The following LURAP1L variants were observed in gnomAD, a reference collection of about 807,000 sequenced individuals.
LURAP1L encodes leucine rich adaptor protein 1-like.
LURAP1L carries 12 observed loss-of-function variants against 13.8 expected under a neutral mutation model. That is an observed-to-expected ratio of 0.87 (90% confidence interval 0.56 to 1.41). LURAP1L has a LOEUF of 1.41. LURAP1L is among the 40% of genes most tolerant of loss of function. The pLI is 0.00. For missense variants in LURAP1L, 375 were observed against 292.9 expected (o/e 1.28, Z -2.04); for synonymous variants, 139 against 119.2 (o/e 1.17, Z -1.08).
At chr9:12,783,870 T>C (rs2118469135) in intron 1 of LURAP1L, among the ~76,000 whole-genome samples, 1 of 151,830 alleles carries the variant, frequency 6.6e-6, no homozygotes, top group East Asian at 1.9e-4. Context: ...CATTCTTTTT[T>C]ATTCTTTTAT....
intron 1 of LURAP1L, among the ~76,000 whole-genome samples, chr9:12,801,789 A>G (rs1268337270): frequency 6.6e-6 from 1 of 152,222 alleles, no homozygotes; most frequent in Non-Finnish European, 1.5e-5. Flanking sequence ...GAGGAAGAAC[A>G]TATTTGTCAT....
chr9:12,787,774 C>T (rs1339063804), intron 1 of LURAP1L, among the ~76,000 whole-genome samples: 3 of 152,104 alleles, frequency 2.0e-5, no homozygotes, highest in Non-Finnish European at 4.4e-5. Flanking sequence ...GCCTGAAAGT[C>T]ATACGTTCAT....
intron 1 of LURAP1L, chr9:12,777,155 T>G: frequency 2.9e-6 from 2 of 701,010 alleles, no homozygotes; most frequent in Non-Finnish European, 3.5e-6. Flanking sequence ...ATTCTATCGT[T>G]TAGTTATTAT....
At chr9:12,796,245 A>G (rs1450529253) in intron 1 of LURAP1L, among the ~76,000 whole-genome samples, 1 of 151,978 alleles carries the variant, frequency 6.6e-6, no homozygotes, top group East Asian at 1.9e-4. Context: ...TACACTCCTG[A>G]TAAATATTTT....
At chr9:12,776,148 G>A in intron 1 of LURAP1L, 121 bp downstream of exon 1, 1 of 994,902 alleles carries the variant, frequency 1.0e-6, no homozygotes, top group South Asian at 1.5e-5. Flanking sequence ...CTGGGCGCGT[G>A]GGAAATGCTG....
At chr9:12,802,957 C>A (rs1274770312) in intron 1 of LURAP1L, among the ~76,000 whole-genome samples, 2 of 152,182 alleles carry the variant, frequency 1.3e-5, no homozygotes, top group African/African-American at 2.4e-5. Context: ...TGGCATGGAT[C>A]ACCCATACCC....
At chr9:12,808,616 A>C (rs904088815) in intron 1 of LURAP1L, among the ~76,000 whole-genome samples, 2 of 152,094 alleles carry the variant, frequency 1.3e-5, no homozygotes, top group African/African-American at 4.8e-5. Flanking sequence ...ATACTTGTGC[A>C]ACTGTAGGTA....
intron 1 of LURAP1L, among the ~76,000 whole-genome samples, chr9:12,781,916 A>G (rs1819277558): frequency 6.6e-6 from 1 of 152,152 alleles, no homozygotes. Context: ...CCTCACCGGC[A>G]TTAATTATTG....
chr9:12,820,435 G>T (rs1251999419), intron 1 of LURAP1L, among the ~76,000 whole-genome samples: 1 of 150,388 alleles, frequency 6.6e-6, no homozygotes, highest in African/African-American at 2.4e-5. Context: ...CTCAGGAGGC[G>T]GAGCTTGCAG....
At chr9:12,820,894 A>G (rs1819869706) in intron 1 of LURAP1L, among the ~76,000 whole-genome samples, 1 of 152,162 alleles carries the variant, frequency 6.6e-6, no homozygotes, top group Non-Finnish European at 1.5e-5. Context: ...GATTTTGCTA[A>G]TGAATGCTGA....
At chr9:12,819,964 A>G (rs770712525) in intron 1 of LURAP1L, among the ~76,000 whole-genome samples, 1 of 152,046 alleles carries the variant, frequency 6.6e-6, no homozygotes, top group Non-Finnish European at 1.5e-5. Context: ...AAAACAAACA[A>G]GCAAACAAAC....
At chr9:12,781,681 T>TA (rs1460952585) in intron 1 of LURAP1L, among the ~76,000 whole-genome samples, 10 of 152,338 alleles carry the variant, frequency 6.6e-5, no homozygotes, top group Non-Finnish European at 1.0e-4. Flanking sequence ...AGGTTGCTTG[T>TA]AAATCTTAGC....
intron 1 of LURAP1L, among the ~76,000 whole-genome samples, chr9:12,793,182 C>T (rs913910834): frequency 6.6e-6 from 1 of 152,022 alleles, no homozygotes; most frequent in Non-Finnish European, 1.5e-5. Flanking sequence ...CTCCAATTAT[C>T]ATCCTTCAGT....
In LURAP1L at chr9:12,816,164, T is replaced by C. The variant is rs533088524; in HGVS notation, c.313-5222T>C. 2.3e-4 allele frequency among the ~76,000 whole-genome samples: 34 copies of C among 150,538 alleles called. No homozygotes were observed. The East Asian group carries it at 4.5e-3, about 20-fold the overall frequency. On this transcript the variant is annotated intron_variant, in intron 1 of 1. Coordinates refer to ENST00000319264, the MANE Select transcript of LURAP1L (RefSeq NM_203403.2). ...TTATCTGATCTGTAGACTCTTCCTA[T>C]TAAATTAAACATTAAATGCCTGAAA...
At chr9:12,801,799 T>C (rs1196881318) in intron 1 of LURAP1L, among the ~76,000 whole-genome samples, 5 of 152,180 alleles carry the variant, frequency 3.3e-5, no homozygotes, top group Admixed American at 6.5e-5. Flanking sequence ...ATATTTGTCA[T>C]GGGAATTTTA....
intron 1 of LURAP1L, among the ~76,000 whole-genome samples, chr9:12,778,330 C>T (rs1819220359): frequency 1.3e-5 from 2 of 152,226 alleles, no homozygotes; most frequent in East Asian, 1.9e-4. Flanking sequence ...CTTTTTCACT[C>T]ACTAGTGTGT....
At chr9:12,793,682 T>C (rs774653713) in intron 1 of LURAP1L, among the ~76,000 whole-genome samples, 64 of 152,072 alleles carry the variant, frequency 4.2e-4, no homozygotes, top group Non-Finnish European at 3.8e-4. Context: ...TTAATGACCA[T>C]TGTGCATTAT....
At chr9:12,779,056 G>A (rs907390009) in intron 1 of LURAP1L, among the ~76,000 whole-genome samples, 1 of 152,106 alleles carries the variant, frequency 6.6e-6, no homozygotes, top group Admixed American at 6.5e-5. Flanking sequence ...GTATTGCTAT[G>A]TGAATGTCTC....
chr9:12,821,707 C>A lies in LURAP1L; in HGVS notation c.634C>A (p.Gln212Lys). 6.2e-7 allele frequency: 1 copy of A among 1,614,212 alleles called. No homozygotes were observed. The change falls in exon 2 of 2, where the codon CAG becomes AAG. Residue 212 changes from glutamine (Q) to lysine (K), a missense_variant. Transcript: ENST00000319264. Reference protein sequence around the residue: ...FSDSSLIEDSQALHKRPKLDS... With the variant: ...FSDSSLIEDSKALHKRPKLDS... ...TGACAGCTCCCTCATAGAGGACTCA[C>A]AGGCACTACACAAGCGTCCTAAATT...
Sources: gnomAD v4.1 joint callset for allele counts (sites outside exome capture counted in the v4.1 genomes callset) on GRCh38, gnomAD v4.1.1 for gene constraint, MANE v1.5 for transcripts, NCBI Gene and HGNC (gene_info 2026-07-23, HGNC 2026-07-21) for gene names.